STAG2: variants seen among roughly 807,000 people sequenced by gnomAD.
STAG2 encodes the protein cohesin subunit SA-2.
A neutral mutation model predicts 108.1 loss-of-function variants in STAG2; 14 were observed. The observed-to-expected ratio is 0.13, with a 90% CI of 0.09 to 0.20. STAG2 has a LOEUF of 0.20. Among genes scored for constraint, STAG2 ranks in the 10% least tolerant of loss-of-function variants. The pLI is 1.00. For missense variants in STAG2, 440 were observed against 940.9 expected (o/e 0.47, Z 6.96); for synonymous variants, 307 against 302.7 (o/e 1.01, Z -0.15).
At chrX:124,046,997 C>T (rs139494828) in intron 8 of STAG2, among the ~76,000 whole-genome samples, 94 of 111,461 alleles carry the variant, frequency 8.4e-4, no homozygotes, top group African/African-American at 2.9e-3. Context: ...TTTTAGAGGA[C>T]ATATTATAGA....
At chrX:123,997,174 C>CCA (rs1335049082) in intron 1 of STAG2, among the ~76,000 whole-genome samples, 1 of 112,009 alleles carries the variant, frequency 8.9e-6, no homozygotes, top group Non-Finnish European at 1.9e-5. Flanking sequence ...AGTCTTCCAA[C>CCA]TTTGTTCTTT....
intron 25 of STAG2, among the ~76,000 whole-genome samples, chrX:124,072,904 C>CTTTCTTTTTTTTTTT (rs1171307804): frequency 1.4e-5 from 1 of 72,695 alleles, no homozygotes; most frequent in African/African-American, 5.6e-5. Context: ...TTCTTTCTTT[C>CTTTCTTTTTTTTTTT]TTTTTTTTTT....
At chrX:124,038,034 T>C (rs977309483) in intron 6 of STAG2, among the ~76,000 whole-genome samples, 20 of 111,987 alleles carry the variant, frequency 1.8e-4, no homozygotes, top group Admixed American at 1.9e-4. Flanking sequence ...AGCAAGCAAG[T>C]AAGTAAGTTA....
chrX:124,059,821 C>T (rs1038460588), intron 15 of STAG2, among the ~76,000 whole-genome samples: 1 of 110,099 alleles, frequency 9.1e-6, no homozygotes, highest in Non-Finnish European at 1.9e-5. Context: ...CCACCACACC[C>T]AGCTAGTTTA....
chrX:124,088,887 T>C (rs1323488876), intron 30 of STAG2, among the ~76,000 whole-genome samples: 7 of 104,761 alleles, frequency 6.7e-5, no homozygotes, highest in African/African-American at 2.4e-4. Context: ...GTGCTGGGAT[T>C]ACAGGTGTGA....
At chrX:124,081,640 G>C in intron 28 of STAG2, 112 bp downstream of exon 28, 1 of 601,590 alleles carries the variant, frequency 1.7e-6, no homozygotes, top group South Asian at 4.4e-5. Flanking sequence ...TTTATTATTA[G>C]CTTATAAATC....
At position 124,045,158 on chromosome X, in the gene STAG2, T is replaced by G; in HGVS notation, c.463-6T>G. The stretch of plus-strand genomic sequence containing the variant: ...ATGAAATTGCTGTTTTAAATTTTTG[T>G]TTTAGGATAGTGGAGATTATCCACT... On this transcript the variant is annotated splice_polypyrimidine_tract_variant and splice_region_variant and intron_variant, in intron 7 of 34. Coordinates refer to ENST00000371145, the MANE Select transcript of STAG2 (RefSeq NM_001042750.2). The G allele has an allele frequency of 8.3e-7, 1 of 1,208,221 alleles. No individual in the cohort carries two copies. Among genetic ancestry groups the G allele is most frequent in the Non-Finnish European group, 1.1e-6 (1 of 893,268 alleles).
intron 3 of STAG2, among the ~76,000 whole-genome samples, chrX:124,024,716 T>C (rs2057039881): frequency 8.9e-6 from 1 of 112,043 alleles, no homozygotes; most frequent in East Asian, 2.8e-4. Context: ...GGGCAACTGG[T>C]TATTGTAGCA....
Position 124,022,546 on chromosome X carries a change from A to C in STAG2, c.-82A>C. On this transcript the variant is annotated 5_prime_UTR_variant, in exon 3 of 35. Transcript: ENST00000371145. ...CTTTTTAAAGGAATTGTCTTAGAAGAAAGAAGGCAAGCCACCATTTTACCC... is the reference window on the plus strand; with the variant it reads ...CTTTTTAAAGGAATTGTCTTAGAAGCAAGAAGGCAAGCCACCATTTTACCC... The C allele has an allele frequency of 1.3e-6, 1 of 788,184 alleles. No individual in the cohort carries two copies. Among genetic ancestry groups the C allele is most frequent in the Non-Finnish European group, 1.8e-6 (1 of 542,078 alleles). 65.0% of individuals were successfully genotyped at this position (788,184 alleles called of 1,213,427 possible).
At chrX:124,090,547 A>C in intron 30 of STAG2, 28 bp from the exon 31 acceptor site, 1 of 1,174,454 alleles carries the variant, frequency 8.5e-7, no homozygotes, top group Non-Finnish European at 1.2e-6. Flanking sequence ...ATTAGTGACT[A>C]AACCTCGTCG....
chrX:124,057,614 AAT>A (rs2058244966), intron 14 of STAG2, among the ~76,000 whole-genome samples: 1 of 112,285 alleles, frequency 8.9e-6, no homozygotes, highest in Non-Finnish European at 1.9e-5. Context: ...TTTAAAAACA[AAT>A]AGTTTATAAC....
intron 1 of STAG2, among the ~76,000 whole-genome samples, chrX:123,967,256 A>ATTTTTTT (rs1177101640): frequency 2.0e-5 from 1 of 50,222 alleles, no homozygotes; most frequent in Non-Finnish European, 3.5e-5. Context: ...TCAATGGTGT[A>ATTTTTTT]TTTTTTTTTT....
rs149995953 is a variant in STAG2 at position 123,970,181 on chromosome X, T to G, written c.-163+8325T>G. Among the ~76,000 whole-genome samples, 242 of 109,671 alleles carry G rather than the reference T, an allele frequency of 2.2e-3. 2 individuals carry two copies. The highest frequency in any genetic ancestry group is 7.7e-3 in the African/African-American group (232 of 30,135). On this transcript the variant is annotated intron_variant, in intron 1 of 34. Coordinates refer to ENST00000371145, the MANE Select transcript of STAG2 (RefSeq NM_001042750.2). ...TTTTTTCCCAGGTGATGAACAGCAG[T>G]CTTATACTCAGACTCTTTGTTCATT...
chrX:123,994,230 A>G (rs2055619760), intron 1 of STAG2, among the ~76,000 whole-genome samples: 1 of 111,493 alleles, frequency 9.0e-6, no homozygotes, highest in East Asian at 2.8e-4. Flanking sequence ...CTCTCTTGGG[A>G]ATGAATCCAT....
At chrX:124,054,326 TC>T (rs922060725) in intron 13 of STAG2, among the ~76,000 whole-genome samples, 3 of 112,182 alleles carry the variant, frequency 2.7e-5, no homozygotes, top group African/African-American at 9.7e-5. Context: ...TAGTGGCTAT[TC>T]CCATTTCTGT....
At chrX:124,056,735 A>AG (rs2058215305) in intron 14 of STAG2, among the ~76,000 whole-genome samples, 1 of 104,550 alleles carries the variant, frequency 9.6e-6, no homozygotes, top group Non-Finnish European at 2.0e-5. Flanking sequence ...TCCATCTAAA[A>AG]AAAAAAAAAA....
In STAG2 at chrX:124,063,113, C is replaced by T. The variant is rs187736231; in HGVS notation, c.1732-3C>T. On this transcript the variant is annotated splice_region_variant and splice_polypyrimidine_tract_variant and intron_variant, in intron 18 of 34. Transcript: ENST00000371145. ...TTTTTAACGTGATCTTTATATTTCACAGTACTCTGTAGATGCAGAAAAGGT... is the reference window on the plus strand; with the variant it reads ...TTTTTAACGTGATCTTTATATTTCATAGTACTCTGTAGATGCAGAAAAGGT... 71 of 1,197,032 alleles carry T rather than the reference C, an allele frequency of 5.9e-5. 1 individual carries two copies. In the Admixed American group the frequency reaches 8.0e-4, roughly 14 times the overall value.
intron 4 of STAG2, among the ~76,000 whole-genome samples, chrX:124,028,033 A>G (rs2057165792): frequency 9.0e-6 from 1 of 111,671 alleles, no homozygotes; most frequent in Admixed American, 9.5e-5. Context: ...ATAAACTGCA[A>G]ATATACAGCT....
Position 124,061,743 on chromosome X carries a change from CTTTTTTTTTTTT to C in STAG2, c.1535-14_1535-3del, listed in dbSNP as rs36097834. ...GAAGAAATAAGCTAACTCTTTCTGA[CTTTTTTTTTTTT>C]TTTTTTTTTTTTTAGCACTAACAGA... On this transcript the variant is annotated splice_polypyrimidine_tract_variant and intron_variant, in intron 16 of 34. Transcript: ENST00000371145. The C allele has an allele frequency of 3.6e-5, 17 of 474,353 alleles. No homozygotes were observed. The highest frequency in any genetic ancestry group is 1.6e-4 in the African/African-American group (4 of 24,766). The allele number at this position is 474,353 out of a possible 1,213,427, so 39.1% of individuals were successfully genotyped here. A position where few individuals can be genotyped will look rare whatever the true frequency, so the allele number is the denominator to read the frequency against.
Sources: allele counts gnomAD v4.1 joint callset (sites outside exome capture counted in the v4.1 genomes callset), GRCh38; gene constraint gnomAD v4.1.1; transcripts MANE v1.5; gene names NCBI Gene and HGNC (gene_info 2026-07-23, HGNC 2026-07-21).